FTCDNL1: variants seen among roughly 807,000 people sequenced by gnomAD.
FTCDNL1 encodes formiminotransferase cyclodeaminase N-terminal like.
In FTCDNL1, 11 loss-of-function variants were observed where a neutral mutation model predicts 5.9. That is an observed-to-expected ratio of 1.87 (90% confidence interval 1.18 to 3.10). The LOEUF is 3.10. FTCDNL1 is among the 30% of genes most tolerant of loss of function. The probability of loss-of-function intolerance (pLI) is 0.00; values close to 1 mark genes in which losing one functional copy is unlikely to be tolerated. For missense variants in FTCDNL1, 115 were observed against 65.5 expected (o/e 1.76, Z -2.61); for synonymous variants, 58 against 24.8 (o/e 2.34, Z -3.99).
At chr2:199,778,309 A>C (rs978453603) in intron 3 of FTCDNL1, among the ~76,000 whole-genome samples, 1 of 152,208 alleles carries the variant, frequency 6.6e-6, no homozygotes, top group Non-Finnish European at 1.5e-5. Flanking sequence ...AATCCAGTAC[A>C]TTTCTAGGTA....
chr2:199,720,112 G>A, the FTCDNL1 span, among the ~76,000 whole-genome samples: 19 of 152,208 alleles, frequency 1.2e-4, no homozygotes, highest in African/African-American at 4.6e-4. Flanking sequence ...AAATCTAAGA[G>A]GTTTTTGGTG....
At chr2:199,797,982 T>G (rs1453704819) in intron 3 of FTCDNL1, among the ~76,000 whole-genome samples, 2 of 152,234 alleles carry the variant, frequency 1.3e-5, no homozygotes. Flanking sequence ...CTGGCGTTTC[T>G]GCAGGAAGTA....
chr2:199,712,035 C>T, the FTCDNL1 span, among the ~76,000 whole-genome samples: 1 of 152,092 alleles, frequency 6.6e-6, no homozygotes, highest in Non-Finnish European at 1.5e-5. Flanking sequence ...CAAAAAGCTT[C>T]TATGCAGATT....
chr2:199,690,132 A>G, the FTCDNL1 span, among the ~76,000 whole-genome samples: 2 of 152,222 alleles, frequency 1.3e-5, no homozygotes, highest in African/African-American at 4.8e-5. Context: ...TATATCAGAC[A>G]CATAAATAGA....
intron 3 of FTCDNL1, among the ~76,000 whole-genome samples, chr2:199,782,709 C>G (rs1335872703): frequency 6.6e-6 from 1 of 152,230 alleles, no homozygotes; most frequent in African/African-American, 2.4e-5. Flanking sequence ...CATGTTAAAA[C>G]AGCAAGTTTC....
At chr2:199,758,972 T>C (rs558514755), downstream of FTCDNL1, among the ~76,000 whole-genome samples, 5 of 152,306 alleles carry the variant, frequency 3.3e-5, no homozygotes, top group South Asian at 2.1e-4. Flanking sequence ...GGGGTAGATA[T>C]GTGTGGATCC....
At chr2:199,755,081 C>T in the FTCDNL1 span, among the ~76,000 whole-genome samples, 1 of 152,186 alleles carries the variant, frequency 6.6e-6, no homozygotes, top group Non-Finnish European at 1.5e-5. Flanking sequence ...AAGCACTCTG[C>T]TGCTCTGAAC....
At chr2:199,737,809 G>A in the FTCDNL1 span, among the ~76,000 whole-genome samples, 3 of 152,292 alleles carry the variant, frequency 2.0e-5, no homozygotes, top group Non-Finnish European at 2.9e-5. Context: ...TGGTCCCTGC[G>A]TGTCACGTAG....
At chr2:199,782,252 T>G (rs1699403452) in intron 3 of FTCDNL1, among the ~76,000 whole-genome samples, 1 of 152,196 alleles carries the variant, frequency 6.6e-6, no homozygotes, top group African/African-American at 2.4e-5. Flanking sequence ...CTTTACTTCT[T>G]CAATGTCTGT....
At chr2:199,735,200 A>C in the FTCDNL1 span, among the ~76,000 whole-genome samples, 1 of 152,010 alleles carries the variant, frequency 6.6e-6, no homozygotes, top group Non-Finnish European at 1.5e-5. Context: ...CCAACACAGA[A>C]CTCTATGAAA....
At chr2:199,709,330 T>A in the FTCDNL1 span, among the ~76,000 whole-genome samples, 1 of 152,078 alleles carries the variant, frequency 6.6e-6, no homozygotes, top group African/African-American at 2.4e-5. Context: ...TTACATTGTA[T>A]GGGGATAATG....
At chr2:199,829,237 G>A (rs1419061564) in intron 3 of FTCDNL1, among the ~76,000 whole-genome samples, 2 of 152,148 alleles carry the variant, frequency 1.3e-5, no homozygotes, top group African/African-American at 4.8e-5. Flanking sequence ...GCTATGGTCA[G>A]TGGTTCTGCC....
intron 3 of FTCDNL1, among the ~76,000 whole-genome samples, chr2:199,802,351 C>T (rs1700500756): frequency 6.6e-6 from 1 of 152,178 alleles, no homozygotes; most frequent in Non-Finnish European, 1.5e-5. Flanking sequence ...GAAGCTTCAT[C>T]CTCAGGGACT....
downstream of FTCDNL1, among the ~76,000 whole-genome samples, chr2:199,805,416 G>A (rs940134390): frequency 6.6e-6 from 1 of 152,090 alleles, no homozygotes; most frequent in Non-Finnish European, 1.5e-5. Flanking sequence ...GGGCAACATA[G>A]CAAGGTCCTG....
chr2:199,711,774 G>A, the FTCDNL1 span, among the ~76,000 whole-genome samples: 3 of 152,184 alleles, frequency 2.0e-5, no homozygotes, highest in Admixed American at 2.0e-4. Context: ...CACCACACCT[G>A]GCTGGAAGCA....
At chr2:199,742,181 A>C in the FTCDNL1 span, among the ~76,000 whole-genome samples, 1 of 151,340 alleles carries the variant, frequency 6.6e-6, no homozygotes, top group Non-Finnish European at 1.5e-5. Context: ...CCTCCTAACC[A>C]TTCTTTCAAA....
Position 199,850,734 on chromosome 2 carries a change from G to C in FTCDNL1, c.-8+6C>G, listed in dbSNP as rs1400120912. 6.6e-6 allele frequency: 1 copy of C among 152,326 alleles called. No homozygotes were observed. Among genetic ancestry groups the C allele is most frequent in the African/African-American group, 2.4e-5 (1 of 41,462 alleles). 9.4% of individuals were successfully genotyped at this position (152,326 alleles called of 1,614,324 possible). On this transcript the variant is annotated splice_donor_region_variant and intron_variant, in intron 1 of 4. Coordinates refer to ENST00000420128, the MANE Select transcript of FTCDNL1 (RefSeq NM_001363886.2). ...AGCCTAGCAAGTGCAAAGTGCAGCA[G>C]TTCACCTGCCCCCTGCGCACGCACC...
chr2:199,687,384 CA>C, the FTCDNL1 span, among the ~76,000 whole-genome samples: 1 of 152,264 alleles, frequency 6.6e-6, no homozygotes, highest in East Asian at 1.9e-4. Flanking sequence ...TCTACAGTAG[CA>C]AAGGAAATGA....
At chr2:199,684,595 C>T in the FTCDNL1 span, among the ~76,000 whole-genome samples, 1 of 152,142 alleles carries the variant, frequency 6.6e-6, no homozygotes, top group Non-Finnish European at 1.5e-5. Context: ...CCACAGAAAA[C>T]CCTACTTACT....
Sources: gnomAD v4.1 joint callset for allele counts (sites outside exome capture counted in the v4.1 genomes callset) on GRCh38, gnomAD v4.1.1 for gene constraint, MANE v1.5 for transcripts, NCBI Gene and HGNC (gene_info 2026-07-23, HGNC 2026-07-21) for gene names.